The following STK32A variants were observed in gnomAD, a reference collection of about 807,000 sequenced individuals.
STK32A encodes the protein serine/threonine-protein kinase 32A.
Under a neutral mutation model 53.2 loss-of-function variants are expected in STK32A, and 41 were observed. The ratio of observed to expected loss-of-function variants is 0.77; its 90% CI spans 0.60 to 1.00. STK32A has a LOEUF of 1.00. Among genes scored for constraint, STK32A ranks in the 50% least tolerant of loss-of-function variants. The pLI is 0.00. For missense variants in STK32A, 458 were observed against 485.8 expected (o/e 0.94, Z 0.54); for synonymous variants, 166 against 162.8 (o/e 1.02, Z -0.15).
chr5:147,361,442 T>C (rs1447631191), intron 7 of STK32A, 75 bp from the exon 8 acceptor site: 1 of 981,304 alleles, frequency 1.0e-6, no homozygotes, highest in African/African-American at 1.6e-5. Context: ...AATTCTCCTT[T>C]GGAGGAACAT....
chr5:147,312,486 T>C (rs1753751464), intron 4 of STK32A, among the ~76,000 whole-genome samples: 1 of 152,220 alleles, frequency 6.6e-6, no homozygotes. Context: ...AAATTCTAAG[T>C]TGTCCACATT....
chr5:147,398,844 G>A, the STK32A span, among the ~76,000 whole-genome samples: 1 of 152,340 alleles, frequency 6.6e-6, no homozygotes, highest in Non-Finnish European at 1.5e-5. Flanking sequence ...AACATATGTA[G>A]AGAGGAAGCC....
At chr5:147,254,913 G>A (rs2151943911) in intron 2 of STK32A, among the ~76,000 whole-genome samples, 1 of 152,270 alleles carries the variant, frequency 6.6e-6, no homozygotes, top group South Asian at 2.1e-4. Context: ...GCAGAGGTGG[G>A]CGGATCACGA....
At chr5:147,350,923 T>G (rs1460602348) in intron 6 of STK32A, 142 bp from the exon 7 acceptor site, 1 of 662,644 alleles carries the variant, frequency 1.5e-6, no homozygotes, top group East Asian at 2.7e-5. Flanking sequence ...ATTGTTGGTT[T>G]AAGACCATAT....
chr5:147,286,814 T>C (rs1317400569), intron 4 of STK32A, among the ~76,000 whole-genome samples: 1 of 152,144 alleles, frequency 6.6e-6, no homozygotes, highest in Non-Finnish European at 1.5e-5. Context: ...TCAATATATA[T>C]ATATTTTTAA....
rs1477736715 is a variant in STK32A at position 147,370,646 on chromosome 5, C to G, written c.661-8C>G. 1 of 1,586,846 alleles carries G rather than the reference C, an allele frequency of 6.3e-7. No individual in the cohort carries two copies. Among genetic ancestry groups the G allele is most frequent in the Admixed American group, 1.7e-5 (1 of 59,460 alleles). On this transcript the variant is annotated splice_region_variant and splice_polypyrimidine_tract_variant and intron_variant, in intron 8 of 12. Transcript: ENST00000397936. ...AAATGAAGACTTTTACTTCTTTTCT[C>G]CCTTAAGAGACCGTATCATATTCGC...
At chr5:147,393,701 C>T in the STK32A span, 10 of 224,326 alleles carry the variant, frequency 4.5e-5, no homozygotes, top group Non-Finnish European at 9.0e-5. Context: ...GACGTCCCAG[C>T]TTGTCTGTCC....
intron 1 of STK32A, among the ~76,000 whole-genome samples, chr5:147,238,014 A>G (rs1012011469): frequency 3.9e-5 from 6 of 152,260 alleles, no homozygotes; most frequent in Admixed American, 3.9e-4. Flanking sequence ...AGCAGGAGCT[A>G]ACATTCATTC....
intron 2 of STK32A, among the ~76,000 whole-genome samples, chr5:147,274,892 G>A (rs1244052194): frequency 1.3e-5 from 2 of 152,114 alleles, no homozygotes; most frequent in Admixed American, 1.3e-4. Context: ...AATCTCAGTG[G>A]TCATCAAACT....
chr5:147,359,682 G>T (rs1368251236), intron 7 of STK32A, among the ~76,000 whole-genome samples: 2 of 152,124 alleles, frequency 1.3e-5, no homozygotes, highest in Admixed American at 6.5e-5. Context: ...AGTCCATCCT[G>T]TCTGTGGGAG....
At position 147,370,696 on chromosome 5, in the gene STK32A, G is replaced by A. The variant is rs199544939; in HGVS notation, c.703G>A (p.Val235Ile). 3.2e-4 allele frequency: 520 copies of A among 1,612,242 alleles called. No individual in the cohort carries two copies. The highest frequency in any genetic ancestry group is 4.3e-4 in the Admixed American group (26 of 59,960). ...CTCCAGTACTTCCAGCAAGGAAATT[G>A]TACACACGTTTGAGACGACTGTTGT... ...IRSSTSSKEI[V>I]HTFETTVVTY... Residue 235 changes from valine (V) to isoleucine (I), a missense_variant, in exon 9 of 13, where the codon GTA (valine) becomes ATA (isoleucine). Transcript: ENST00000397936.
intron 5 of STK32A, among the ~76,000 whole-genome samples, chr5:147,327,231 A>G (rs1031317920): frequency 2.0e-5 from 3 of 152,214 alleles, no homozygotes; most frequent in African/African-American, 7.2e-5. Flanking sequence ...AAAAAGCAAT[A>G]CAGAAGAGAT....
rs1055378971 is a variant in STK32A at position 147,384,775 on chromosome 5, T to C, written c.*792T>C. The C allele has an allele frequency of 4.2e-6, 1 of 235,732 alleles. No individual in the cohort carries two copies. Among genetic ancestry groups the C allele is most frequent in the African/African-American group, 2.3e-5 (1 of 44,396 alleles). 14.6% of individuals were successfully genotyped at this position (235,732 alleles called of 1,614,324 possible). A position where few individuals can be genotyped will look rare whatever the true frequency, so the allele number is the denominator to read the frequency against. On this transcript the variant is annotated 3_prime_UTR_variant, in exon 13 of 13. Transcript: ENST00000397936. ...AAGAAGCATGTTCCTTGAGGGCTAA[T>C]TGTCCTCTGAAGATTAGCAGAGACC...
chr5:147,312,732 TAGAG>T, intron 4 of STK32A, among the ~76,000 whole-genome samples: 2 of 152,302 alleles, frequency 1.3e-5, no homozygotes, highest in African/African-American at 4.8e-5. Context: ...CAACGTACTC[TAGAG>T]AGAGAAAGCG....
intron 8 of STK32A, among the ~76,000 whole-genome samples, chr5:147,366,208 GC>G (rs1756735146): frequency 6.6e-6 from 1 of 152,048 alleles, no homozygotes; most frequent in Non-Finnish European, 1.5e-5. Flanking sequence ...ACTCATTTTG[GC>G]CTCTTAGAAC....
chr5:147,261,891 G>T (rs1451939154), intron 2 of STK32A, among the ~76,000 whole-genome samples: 1 of 136,628 alleles, frequency 7.3e-6, no homozygotes, highest in African/African-American at 2.8e-5. Context: ...TCCCCCCCAA[G>T]CTAAGACTGC....
intron 2 of STK32A, among the ~76,000 whole-genome samples, chr5:147,262,971 A>C (rs1458648559): frequency 6.6e-6 from 1 of 150,716 alleles, no homozygotes; most frequent in Admixed American, 6.7e-5. Flanking sequence ...AAAACTAGTC[A>C]TGTCCCTTCT....
chr5:147,249,908 CAAAA>C (rs35848112), intron 2 of STK32A, among the ~76,000 whole-genome samples: 1 of 58,580 alleles, frequency 1.7e-5, no homozygotes, highest in Non-Finnish European at 3.0e-5. Flanking sequence ...GCCTCTGTCT[CAAAA>C]AAAAAAAAAA....
At chr5:147,395,407 T>C in the STK32A span, 1 of 909,076 alleles carries the variant, frequency 1.1e-6, no homozygotes. Flanking sequence ...GGACCCTTCC[T>C]GCTTGCCCCA....
Sources: allele counts gnomAD v4.1 joint callset (sites outside exome capture counted in the v4.1 genomes callset), GRCh38; gene constraint gnomAD v4.1.1; transcripts MANE v1.5; gene names NCBI Gene and HGNC (gene_info 2026-07-23, HGNC 2026-07-21).